AFG3L2: variants seen among roughly 807,000 people sequenced by gnomAD.
AFG3L2 encodes mitochondrial inner membrane m-AAA protease component AFG3L2.
In AFG3L2, 54 loss-of-function variants were observed where a neutral mutation model predicts 94.5. The observed-to-expected ratio is 0.57, with a 90% CI of 0.46 to 0.72. The LOEUF (loss-of-function observed/expected upper bound fraction) is 0.72, where lower values mean the gene tolerates loss of function less well. AFG3L2 is among the 30% of genes least tolerant of loss of function. The pLI, the probability that AFG3L2 is intolerant of heterozygous loss-of-function variation, is 0.00. For synonymous variants in AFG3L2, 377 were observed against 365.5 expected (o/e 1.03, Z -0.36); for missense variants, 754 against 994.9 (o/e 0.76, Z 3.26).
In AFG3L2 at chr18:12,328,980, T is replaced by G. The variant is rs886053611; in HGVS notation, c.*585A>C. On this transcript the variant is annotated 3_prime_UTR_variant, in exon 17 of 17. Coordinates refer to ENST00000269143, the MANE Select transcript of AFG3L2 (RefSeq NM_006796.3). ...AAGTACAGTGTTGACATTTTATTTTTTATGTAAAGAAGCCATATTTACATA... is the reference window on the plus strand; with the variant it reads ...AAGTACAGTGTTGACATTTTATTTTGTATGTAAAGAAGCCATATTTACATA... 6 of 577,112 alleles carry G rather than the reference T, an allele frequency of 1.0e-5. No homozygotes were observed. Among genetic ancestry groups the G allele is most frequent in the Non-Finnish European group, 1.8e-5 (6 of 325,188 alleles). 35.7% of individuals were successfully genotyped at this position (577,112 alleles called of 1,614,324 possible). A position where few individuals can be genotyped will look rare whatever the true frequency, so the allele number is the denominator to read the frequency against.
intron 16 of AFG3L2, among the ~76,000 whole-genome samples, chr18:12,330,410 A>C (rs1487418633): frequency 6.6e-6 from 1 of 152,140 alleles, no homozygotes; most frequent in Non-Finnish European, 1.5e-5. Context: ...TAAAAAAACA[A>C]GATGTTCAGT....
chr18:12,375,492 G>C (rs1044913728), intron 1 of AFG3L2, among the ~76,000 whole-genome samples: 1 of 152,014 alleles, frequency 6.6e-6, no homozygotes, highest in African/African-American at 2.4e-5. Context: ...AGGAGGAGGC[G>C]GGAGGATCGC....
At chr18:12,359,866 G>T in intron 7 of AFG3L2, 61 bp downstream of exon 7, 1 of 1,603,614 alleles carries the variant, frequency 6.2e-7, no homozygotes, top group South Asian at 1.1e-5. Context: ...CCCAGGGACA[G>T]AACACAGTGA....
rs1414470440 is a variant in AFG3L2, at chr18:12,363,927, A to C, written c.553-71T>G. ...TTGAGATACTCTTTTAAGCTCATTT[A>C]AAATGCATATGATGTTTCAGCCACA... On this transcript the variant is annotated intron_variant, in intron 5 of 16. Coordinates refer to ENST00000269143, the MANE Select transcript of AFG3L2 (RefSeq NM_006796.3). The C allele has an allele frequency of 2.6e-6, 3 of 1,138,036 alleles. No individual in the cohort carries two copies. The East Asian group carries it at 7.0e-5, about 27-fold the overall frequency. The allele number at this position is 1,138,036 out of a possible 1,614,324, so 70.5% of individuals were successfully genotyped here.
At chr18:12,344,473 G>A (rs1908062393) in intron 13 of AFG3L2, among the ~76,000 whole-genome samples, 1 of 151,960 alleles carries the variant, frequency 6.6e-6, no homozygotes, top group Non-Finnish European at 1.5e-5. Flanking sequence ...TGAGGAGTTC[G>A]AGACCAGCCT....
At chr18:12,346,172 C>G (rs1444259289) in intron 13 of AFG3L2, among the ~76,000 whole-genome samples, 2 of 152,194 alleles carry the variant, frequency 1.3e-5, no homozygotes, top group African/African-American at 2.4e-5. Flanking sequence ...GCTGATGCAC[C>G]TTCAGTGCTT....
chr18:12,341,971 A>T (rs1353501659), intron 14 of AFG3L2: 1 of 152,166 alleles, frequency 6.6e-6, no homozygotes, highest in Non-Finnish European at 1.5e-5. Context: ...ATCTCCAGTG[A>T]TTCTCCTGCC....
At chr18:12,369,489 G>A (rs1908910585) in intron 3 of AFG3L2, among the ~76,000 whole-genome samples, 1 of 152,134 alleles carries the variant, frequency 6.6e-6, no homozygotes, top group Admixed American at 6.5e-5. Context: ...CTAGCACTTT[G>A]GGAGGCAGAG....
intron 6 of AFG3L2, among the ~76,000 whole-genome samples, chr18:12,362,503 G>T (rs1255278644): frequency 1.3e-5 from 2 of 152,078 alleles, no homozygotes; most frequent in African/African-American, 4.8e-5. Flanking sequence ...ATTTTGAAAA[G>T]AAATCAATAT....
chr18:12,337,549 AATTAGTGGTGATTACAT>A lies in AFG3L2; in HGVS notation c.1981-31_1981-15del, dbSNP rs1568133985. The A allele has an allele frequency of 6.2e-7, 1 of 1,613,088 alleles. No homozygotes were observed. Among genetic ancestry groups the A allele is most frequent in the Admixed American group, 1.7e-5 (1 of 60,026 alleles). ...AAACTGAACAATCTGAAAAATACAT[AATTAGTGGTGATTACAT>A]ATGATTGTTCTTTAACCAGACAAAA... On this transcript the variant is annotated splice_polypyrimidine_tract_variant and intron_variant, in intron 15 of 16. Transcript: ENST00000269143.
rs140519575 is a variant in AFG3L2, at chr18:12,372,739, T to C, written c.115-1048A>G. ...AAGGAATGAAGTACTGACACGTGGA[T>C]GAACTCTGAAAACATCATATTAAGT... On this transcript the variant is annotated intron_variant, in intron 1 of 16. Transcript: ENST00000269143. Among the ~76,000 whole-genome samples the C allele has an allele frequency of 2.9e-3, 444 of 152,332 alleles. 3 individuals are homozygous for C. The highest frequency in any genetic ancestry group is 6.2e-3 in the East Asian group (32 of 5,192).
chr18:12,366,848 A>T, intron 5 of AFG3L2, 117 bp downstream of exon 5: 2 of 1,425,432 alleles, frequency 1.4e-6, no homozygotes, highest in South Asian at 2.3e-5. Context: ...ATCTGAGTGA[A>T]AATAACAATT....
intron 8 of AFG3L2, 41 bp from the exon 9 acceptor site, chr18:12,356,872 CA>C (rs1568141843): frequency 6.3e-7 from 1 of 1,599,114 alleles, no homozygotes; most frequent in South Asian, 1.1e-5. Flanking sequence ...ATGAGAATTC[CA>C]GAAAAGTAAA....
intron 13 of AFG3L2, among the ~76,000 whole-genome samples, chr18:12,346,614 T>A (rs925391154): frequency 2.0e-5 from 3 of 152,044 alleles, no homozygotes; most frequent in Admixed American, 1.3e-4. Flanking sequence ...TAAAATACCA[T>A]CGATCATTAT....
chr18:12,371,716 C>G, intron 1 of AFG3L2, 25 bp from the exon 2 acceptor site: 4 of 1,591,496 alleles, frequency 2.5e-6, no homozygotes, highest in Non-Finnish European at 3.4e-6. Context: ...AAAAATAAAA[C>G]CATAGTTATA....
At chr18:12,354,564 G>A (rs561295354) in intron 9 of AFG3L2, among the ~76,000 whole-genome samples, 164 of 152,198 alleles carry the variant, frequency 1.1e-3, no homozygotes, top group Non-Finnish European at 2.0e-3. Flanking sequence ...TGTGGCTCTC[G>A]GTCTCTCAGT....
At chr18:12,365,592 A>G (rs960874835) in intron 5 of AFG3L2, among the ~76,000 whole-genome samples, 1 of 152,194 alleles carries the variant, frequency 6.6e-6, no homozygotes, top group Admixed American at 6.5e-5. Flanking sequence ...AAGGTTTCCA[A>G]CTTCCAGGGG....
At chr18:12,373,261 A>G (rs531115497) in intron 1 of AFG3L2, among the ~76,000 whole-genome samples, 6 of 152,334 alleles carry the variant, frequency 3.9e-5, no homozygotes, top group East Asian at 3.9e-4. Flanking sequence ...AGAATGCAAC[A>G]TAAGAGTTTT....
In AFG3L2 at chr18:12,340,363, A is replaced by G. The variant is rs146213373; in HGVS notation, c.1818T>C (p.Ala606=). ...GGTATTGTTCTTTTGGTAAATACTG[A>G]GCATAACCTAGTCCTTTGCCACGTG... ...IIPRGKGLGY[A]QYLPKEQYLY... Residue 606 remains alanine (A), a synonymous_variant, in exon 15 of 17, where the codon GCT becomes GCC. Coordinates refer to ENST00000269143, the MANE Select transcript of AFG3L2 (RefSeq NM_006796.3). 4.3e-6 allele frequency: 7 copies of G among 1,614,192 alleles called. No individual in the cohort carries two copies. The highest frequency in any genetic ancestry group is 4.2e-6 in the Non-Finnish European group (5 of 1,180,018).
Sources: gnomAD v4.1 joint callset for allele counts (sites outside exome capture counted in the v4.1 genomes callset) on GRCh38, gnomAD v4.1.1 for gene constraint, MANE v1.5 for transcripts, NCBI Gene and HGNC (gene_info 2026-07-23, HGNC 2026-07-21) for gene names.